Variants in ITGAD observed in about 807,000 individuals in gnomAD.
The protein encoded by ITGAD is integrin subunit alpha D.
In ITGAD, 105 loss-of-function variants were observed where a neutral mutation model predicts 139.0. That is an observed-to-expected ratio of 0.76 (90% CI 0.65 to 0.89). ITGAD has a LOEUF of 0.89. Ranked by LOEUF, ITGAD falls within the 40% of genes least tolerant of loss-of-function variation. The pLI, the probability that ITGAD is intolerant of heterozygous loss-of-function variation, is 0.00. For synonymous variants in ITGAD, 569 were observed against 598.3 expected (o/e 0.95, Z 0.71); for missense variants, 1,384 against 1,487.3 (o/e 0.93, Z 1.14).
At chr16:31,396,861 CA>C (rs1355922448) in intron 2 of ITGAD, among the ~76,000 whole-genome samples, 1 of 152,082 alleles carries the variant, frequency 6.6e-6, no homozygotes, top group African/African-American at 2.4e-5. Context: ...TTACATTGGC[CA>C]ATTGAAATTG....
intron 20 of ITGAD, among the ~76,000 whole-genome samples, chr16:31,417,210 A>ATATTTATTTATT (rs201764894): frequency 0.011 from 1,344 of 122,798 alleles, 12 homozygotes; most frequent in East Asian, 0.023. Context: ...CGCCCAGCTA[A>ATATTTATTTATT]TATTTATTTA....
Position 31,407,761 on chromosome 16 carries a change from T to C in ITGAD, c.859-5T>C. On this transcript the variant is annotated splice_region_variant and splice_polypyrimidine_tract_variant and intron_variant, in intron 8 of 29. Coordinates refer to ENST00000389202, the MANE Select transcript of ITGAD (RefSeq NM_005353.3). ...TCATCCTCCTCGGCTGTCTCTCTGC[T>C]GCAGGTGGGACACGCTTTCCAGGGA... 6.2e-7 allele frequency: 1 copy of C among 1,613,926 alleles called. No individual in the cohort carries two copies. Among genetic ancestry groups the C allele is most frequent in the South Asian group, 1.1e-5 (1 of 91,072 alleles).
At chr16:31,412,100 C>T (rs2081736717) in intron 14 of ITGAD, among the ~76,000 whole-genome samples, 1 of 150,684 alleles carries the variant, frequency 6.6e-6, no homozygotes, top group Non-Finnish European at 1.5e-5. Flanking sequence ...GACAGAGTCT[C>T]ACTCTGTCGC....
At chr16:31,396,452 G>T (rs887061887) in intron 2 of ITGAD, among the ~76,000 whole-genome samples, 1 of 152,210 alleles carries the variant, frequency 6.6e-6, no homozygotes, top group Non-Finnish European at 1.5e-5. Context: ...CAACCTGGGT[G>T]ACAGAGTGAA....
At chr16:31,394,432 G>C (rs1330736441) in intron 2 of ITGAD, 91 bp downstream of exon 2, 3 of 887,652 alleles carry the variant, frequency 3.4e-6, no homozygotes, top group Non-Finnish European at 5.4e-6. Context: ...GTGTCCTGGA[G>C]GAAGGCCAGC....
In ITGAD at chr16:31,416,656, G is replaced by A. The variant is rs377125801; in HGVS notation, c.2499+10G>A. 2.7e-5 allele frequency: 43 copies of A among 1,597,876 alleles called. 1 individual carries two copies. In the African/African-American group the frequency reaches 5.8e-4, roughly 21 times the overall value. On this transcript the variant is annotated intron_variant, in intron 20 of 29. Transcript: ENST00000389202. ...GGTGTCAGGAGCCCAGGTAACAACT[G>A]CTGTAGGCTCTAGTGGGAGGGGGCC...
At chr16:31,415,449 G>A (rs760672968) in intron 18 of ITGAD, among the ~76,000 whole-genome samples, 17 of 151,888 alleles carry the variant, frequency 1.1e-4, no homozygotes, top group Non-Finnish European at 2.1e-4. Flanking sequence ...CATCCCACTC[G>A]CCCTTACTAG....
At chr16:31,401,561 G>T (rs1352999643) in intron 5 of ITGAD, among the ~76,000 whole-genome samples, 3 of 152,202 alleles carry the variant, frequency 2.0e-5, no homozygotes, top group African/African-American at 7.2e-5. Context: ...GGCCTCGAAG[G>T]TGCCTGGCAC....
rs1597138563 is a variant in ITGAD, at chr16:31,411,233, A to G, written c.1497+17A>G. 1 of 1,611,622 alleles carries G rather than the reference A, an allele frequency of 6.2e-7. No individual in the cohort carries two copies. The highest frequency in any genetic ancestry group is 8.5e-7 in the Non-Finnish European group (1 of 1,178,670). ...CCTAGGGGGGTGAGTGGCTGATGGG[A>G]CCTAGGCTGGGTGGGGTCCGGTGTG... On this transcript the variant is annotated intron_variant, in intron 13 of 29. Coordinates refer to ENST00000389202, the MANE Select transcript of ITGAD (RefSeq NM_005353.3).
chr16:31,413,267 G>T (rs751275534), intron 16 of ITGAD, 21 bp downstream of exon 16: 3 of 1,612,668 alleles, frequency 1.9e-6, no homozygotes, highest in Admixed American at 3.3e-5. Flanking sequence ...CCCATAAAGG[G>T]GGCCCAGGCC....
In ITGAD at chr16:31,416,286, G is replaced by A. The variant is rs1327065735; in HGVS notation, c.2357G>A (p.Gly786Asp). The A allele has an allele frequency of 1.3e-6, 2 of 1,599,178 alleles. No homozygotes were observed. The highest frequency in any genetic ancestry group is 1.3e-5 in the African/African-American group (1 of 74,570). ...GDLGVTLSFS[G>D]LQTLTVGSSL... is the part of the protein sequence containing the mutation. The stretch of plus-strand genomic sequence containing the variant: ...CTGGGTGTCACCCTCAGCTTCTCAG[G>A]GTGAGCTGTAACTCCCTTCATATCC... The change falls in exon 19 of 30, where the codon GGC becomes GAC. Residue 786 changes from glycine (G) to aspartate (D), a missense_variant and splice_region_variant. Gly to Asp is a moderately conservative substitution (Grantham distance 94). Coordinates refer to ENST00000389202, the MANE Select transcript of ITGAD (RefSeq NM_005353.3).
At position 31,397,896 on chromosome 16, in the gene ITGAD, C is replaced by A; in HGVS notation, c.414C>A (p.Pro138=). 1 of 1,611,908 alleles carries A rather than the reference C, an allele frequency of 6.2e-7. No homozygotes were observed. The highest frequency in any genetic ancestry group is 8.5e-7 in the Non-Finnish European group (1 of 1,179,170). ...GSRWEIIQTV[P]DATPECPHQE... is the part of the protein sequence containing the mutation. ...GCTGGGAGATCATCCAGACAGTCCC[C>A]GACGCCACGCCAGGTAGGTCCCTGG... Residue 138 remains proline, a synonymous_variant, in exon 5 of 30, where the codon CCC becomes CCA. Coordinates refer to ENST00000389202, the MANE Select transcript of ITGAD (RefSeq NM_005353.3).
In ITGAD at chr16:31,394,352, C is replaced by T. The variant is rs34362935; in HGVS notation, c.137+11C>T. ...GTTCGGTGGATCTCGGTAGGCCCCACTCACCCTCCTTCCCCAACCTCCACT... is the reference window on the plus strand; with the variant it reads ...GTTCGGTGGATCTCGGTAGGCCCCATTCACCCTCCTTCCCCAACCTCCACT... On this transcript the variant is annotated intron_variant, in intron 2 of 29. Coordinates refer to ENST00000389202, the MANE Select transcript of ITGAD (RefSeq NM_005353.3). The T allele has an allele frequency of 7.0e-3, 11,110 of 1,596,162 alleles. 622 individuals carry two copies. The African/African-American group carries it at 0.13, about 18-fold the overall frequency.
At chr16:31,409,911 C>CAAA (rs11447533) in intron 10 of ITGAD, among the ~76,000 whole-genome samples, 19 of 89,670 alleles carry the variant, frequency 2.1e-4, no homozygotes, top group Admixed American at 4.0e-4. Flanking sequence ...CAGCCTGTCT[C>CAAA]AAAAAAAAAA....
intron 18 of ITGAD, 84 bp downstream of exon 18, chr16:31,415,075 C>A: frequency 6.7e-7 from 1 of 1,502,350 alleles, no homozygotes; most frequent in Non-Finnish European, 9.1e-7. Context: ...CTCCCCAACA[C>A]CCAACCACAT....
chr16:31,414,399 G>A (rs2081826517), intron 16 of ITGAD, 52 bp from the exon 17 acceptor site: 1 of 1,586,844 alleles, frequency 6.3e-7, no homozygotes, highest in Admixed American at 1.7e-5. Flanking sequence ...TGAAAACAGA[G>A]CATTCTAGGT....
At position 31,423,168 on chromosome 16, in the gene ITGAD, G is replaced by A. The variant is rs754794381; in HGVS notation, c.2835G>A (p.Met945Ile). 1.2e-6 allele frequency: 2 copies of A among 1,614,080 alleles called. No individual in the cohort carries two copies. Among genetic ancestry groups the A allele is most frequent in the East Asian group, 2.2e-5 (1 of 44,894 alleles). Residue 945 changes from methionine to isoleucine, a missense_variant, in exon 24 of 30, where the codon ATG (methionine) becomes ATA (isoleucine). Transcript: ENST00000389202. ...TTGCAACCTCCGATGAGAAGAAAAT[G>A]AAAGAGGCTGAGCATCGATACCGTG... ...FNFATSDEKK[M>I]KEAEHRYRVN... is the part of the protein sequence containing the mutation.
chr16:31,409,833 G>A (rs983004314), intron 10 of ITGAD, among the ~76,000 whole-genome samples: 2 of 148,520 alleles, frequency 1.3e-5, no homozygotes, highest in Non-Finnish European at 3.0e-5. Context: ...GATTGCATGA[G>A]TCCAGGAGTT....
At chr16:31,418,430 G>C (rs755164255) in intron 22 of ITGAD, 50 bp downstream of exon 22, 21 of 1,608,412 alleles carry the variant, frequency 1.3e-5, no homozygotes, top group Non-Finnish European at 1.5e-5. Flanking sequence ...GCCCCGGCTA[G>C]AGACCCCTCT....
Sources: allele counts gnomAD v4.1 joint callset (sites outside exome capture counted in the v4.1 genomes callset), GRCh38; gene constraint gnomAD v4.1.1; transcripts MANE v1.5; gene names NCBI Gene and HGNC (gene_info 2026-07-23, HGNC 2026-07-21).